Variants in PCDHA5 observed in about 807,000 individuals in gnomAD.
The protein encoded by PCDHA5 is protocadherin alpha 5.
Under a neutral mutation model 61.6 loss-of-function variants are expected in PCDHA5, and 43 were observed. That is an observed-to-expected ratio of 0.70 (90% CI 0.55 to 0.90). The LOEUF is 0.90. Ranked by LOEUF, PCDHA5 falls within the 40% of genes least tolerant of loss-of-function variation. PCDHA5 has a pLI of 0.00. For missense variants in PCDHA5, 1,298 were observed against 1,222.7 expected, an observed-to-expected ratio of 1.06 and a Z score of -0.92; for synonymous variants, 627 against 543.9, an observed-to-expected ratio of 1.15 and a Z score of -2.13.
At chr5:140,985,086 T>C (rs564487119) in intron 3 of PCDHA5, among the ~76,000 whole-genome samples, 1 of 152,000 alleles carries the variant, frequency 6.6e-6, no homozygotes, top group Non-Finnish European at 1.5e-5. Context: ...TACAGGCGTG[T>C]GCCACCAAGC....
intron 1 of PCDHA5, among the ~76,000 whole-genome samples, chr5:140,827,631 T>C (rs1554130832): frequency 1.2e-4 from 19 of 152,238 alleles, no homozygotes; most frequent in Non-Finnish European, 1.5e-5. Flanking sequence ...GAGTGTAGAA[T>C]AGTTTACATT....
At chr5:140,832,534 G>A (rs1772034648) in intron 1 of PCDHA5, among the ~76,000 whole-genome samples, 1 of 152,208 alleles carries the variant, frequency 6.6e-6, no homozygotes, top group African/African-American at 2.4e-5. Flanking sequence ...ATCACCATTT[G>A]TGTAGCTAAT....
At chr5:140,943,789 T>C (rs2093567416) in intron 1 of PCDHA5, among the ~76,000 whole-genome samples, 1 of 152,228 alleles carries the variant, frequency 6.6e-6, no homozygotes, top group African/African-American at 2.4e-5. Flanking sequence ...TGGTCCTTTA[T>C]GCAAAGCAAA....
At chr5:140,871,288 G>A (rs1254609310) in intron 1 of PCDHA5, 2 of 1,613,786 alleles carry the variant, frequency 1.2e-6, no homozygotes, top group Non-Finnish European at 1.7e-6. Context: ...GCCCACTGAG[G>A]GCGCGTGCGC....
intron 1 of PCDHA5, chr5:140,883,287 T>A: frequency 6.2e-7 from 1 of 1,613,984 alleles, no homozygotes; most frequent in Non-Finnish European, 8.5e-7. Context: ...TTGGTGGAAG[T>A]ACTAGATGTA....
intron 1 of PCDHA5, chr5:140,869,906 A>G: frequency 6.2e-7 from 1 of 1,610,936 alleles, no homozygotes; most frequent in Non-Finnish European, 8.5e-7. Context: ...AACGCCACAG[A>G]CCGAGACGAA....
chr5:140,896,980 C>A (rs2065827913), intron 1 of PCDHA5, among the ~76,000 whole-genome samples: 1 of 152,032 alleles, frequency 6.6e-6, no homozygotes, highest in South Asian at 2.1e-4. Context: ...ACAAACAAAC[C>A]AGTTATGCTC....
chr5:140,972,391 C>T (rs1554234093), intron 1 of PCDHA5, among the ~76,000 whole-genome samples: 3 of 151,490 alleles, frequency 2.0e-5, no homozygotes, highest in African/African-American at 7.3e-5. Flanking sequence ...TGTTTATTTG[C>T]TTCACTATTG....
chr5:140,928,461 C>T, intron 1 of PCDHA5: 2 of 1,614,108 alleles, frequency 1.2e-6, no homozygotes, highest in Non-Finnish European at 1.7e-6. Context: ...GGTTTCATTT[C>T]CAAGTAGAAG....
At chr5:140,855,743 G>A (rs2043601940) in intron 1 of PCDHA5, 1 of 316,702 alleles carries the variant, frequency 3.2e-6, no homozygotes, top group African/African-American at 2.1e-5. Flanking sequence ...GAGACGTAAT[G>A]TGAGGCTTTG....
chr5:140,883,403 T>C (rs1009539034), intron 1 of PCDHA5: 1 of 1,614,168 alleles, frequency 6.2e-7, no homozygotes, highest in Non-Finnish European at 8.5e-7. Context: ...CGATCGTGAC[T>C]CTGGCTCAAA....
rs2051668710 is a variant in PCDHA5, at chr5:140,870,104, CA to C, written c.2352+45978del. The C allele has an allele frequency of 1.9e-6, 3 of 1,613,930 alleles. No individual in the cohort carries two copies. In the East Asian group the frequency reaches 6.7e-5, roughly 36 times the overall value. On this transcript the variant is annotated intron_variant, in intron 1 of 3. Coordinates refer to ENST00000529859, the MANE Select transcript of PCDHA5 (RefSeq NM_018908.3). ...ACTCCCCCAATGGCAGGTCACTGTACAGTCTGGGTGGAAATCTTGGACACCA... is the reference window on the plus strand; with the variant it reads ...ACTCCCCCAATGGCAGGTCACTGTACGTCTGGGTGGAAATCTTGGACACCA...
intron 1 of PCDHA5, among the ~76,000 whole-genome samples, chr5:140,955,810 A>G (rs1171384572): frequency 1.3e-5 from 2 of 152,090 alleles, no homozygotes; most frequent in Non-Finnish European, 2.9e-5. Context: ...GTTTGTGTCC[A>G]CTGTGATTTC....
intron 1 of PCDHA5, among the ~76,000 whole-genome samples, chr5:140,974,144 A>G (rs868918794): frequency 5.9e-5 from 9 of 152,268 alleles, no homozygotes; most frequent in African/African-American, 1.7e-4. Context: ...CCTGAAAACT[A>G]TACAAGGGTT....
chr5:140,883,159 G>T (rs782151764), intron 1 of PCDHA5: 3 of 1,613,846 alleles, frequency 1.9e-6, no homozygotes, highest in South Asian at 1.1e-5. Flanking sequence ...CCATAAATCC[G>T]AACAATGGAG....
chr5:140,946,611 AATAT>A (rs1554217734), intron 1 of PCDHA5, among the ~76,000 whole-genome samples: 10 of 86,794 alleles, frequency 1.2e-4, no homozygotes, highest in Admixed American at 4.7e-4. Flanking sequence ...GAAAATGTGA[AATAT>A]ATATATATAT....
chr5:140,962,369 AT>A (rs1181838799), intron 1 of PCDHA5, among the ~76,000 whole-genome samples: 1 of 152,154 alleles, frequency 6.6e-6, no homozygotes, highest in Admixed American at 6.5e-5. Flanking sequence ...GGCTAGTTTG[AT>A]TTTATCTGTT....
rs182448614 is a variant in PCDHA5, at chr5:140,856,533, G to T, written c.2352+32406G>T. The T allele has an allele frequency of 3.4e-4, 545 of 1,598,390 alleles. 56 individuals carry two copies. The highest frequency in any genetic ancestry group is 4.4e-4 in the Non-Finnish European group (516 of 1,167,858). On this transcript the variant is annotated intron_variant, in intron 1 of 3. Transcript: ENST00000529859. ...GAAGGCGCATCTGATGCGGATGTTG[G>T]AGAGAACGCATTGCTTACTTACAAA... is the stretch of plus-strand genomic sequence containing the variant.
intron 1 of PCDHA5, chr5:140,865,770 T>C (rs1554159611): frequency 6.6e-6 from 1 of 152,200 alleles, no homozygotes; most frequent in Non-Finnish European, 1.5e-5. Context: ...GGAGATATTA[T>C]TCAAATGTGT....
Sources: allele counts gnomAD v4.1 joint callset (sites outside exome capture counted in the v4.1 genomes callset), GRCh38; gene constraint gnomAD v4.1.1; transcripts MANE v1.5; gene names NCBI Gene and HGNC (gene_info 2026-07-23, HGNC 2026-07-21).